The following RBFOX1 variants were observed in gnomAD, a reference collection of about 807,000 sequenced individuals.
The protein encoded by RBFOX1 is RNA binding protein fox-1 homolog 1.
A neutral mutation model predicts 57.7 loss-of-function variants in RBFOX1; 8 were observed. The ratio of observed to expected loss-of-function variants is 0.14; its 90% CI spans 0.08 to 0.25. The LOEUF is 0.25. Among genes scored for constraint, RBFOX1 ranks in the 10% least tolerant of loss-of-function variants. The pLI, the probability that RBFOX1 is intolerant of heterozygous loss-of-function variation, is 1.00. For synonymous variants in RBFOX1, 326 were observed against 222.4 expected, an observed-to-expected ratio of 1.47 and a Z score of -4.15; for missense variants, 611 against 548.5, an observed-to-expected ratio of 1.11 and a Z score of -1.14.
chr16:7,332,661 T>A, intron 4 of RBFOX1: 1 of 411,984 alleles, frequency 2.4e-6, no homozygotes, highest in Non-Finnish European at 3.3e-6. Flanking sequence ...GGTCTCTTGG[T>A]CTCTCTCTCT....
intron 1 of RBFOX1, among the ~76,000 whole-genome samples, chr16:5,409,592 G>C (rs901565698): frequency 6.6e-6 from 1 of 152,192 alleles, no homozygotes; most frequent in Non-Finnish European, 1.5e-5. Context: ...ATATGTGCCA[G>C]GCATGTTCTA....
At chr16:6,128,700 T>C (rs2152666456) in intron 1 of RBFOX1, among the ~76,000 whole-genome samples, 1 of 152,310 alleles carries the variant, frequency 6.6e-6, no homozygotes, top group East Asian at 1.9e-4. Context: ...AGCTGGTCCT[T>C]GGCTGACTAT....
chr16:6,507,940 A>G (rs1021075890), intron 2 of RBFOX1, among the ~76,000 whole-genome samples: 6 of 152,182 alleles, frequency 3.9e-5, no homozygotes, highest in Non-Finnish European at 4.4e-5. Flanking sequence ...ACTTTTCACA[A>G]TAGCAAAGAC....
At chr16:6,963,147 G>C (rs1290182316) in intron 3 of RBFOX1, among the ~76,000 whole-genome samples, 1 of 152,108 alleles carries the variant, frequency 6.6e-6, no homozygotes, top group African/African-American at 2.4e-5. Context: ...TGGGGTTCTG[G>C]CTGGTAGTTG....
intron 1 of RBFOX1, among the ~76,000 whole-genome samples, chr16:5,384,073 G>A (rs979586497): frequency 8.5e-5 from 13 of 152,314 alleles, no homozygotes; most frequent in Middle Eastern, 3.4e-3. Flanking sequence ...GCAGAAATGA[G>A]TCTATGTGTC....
intron 2 of RBFOX1, among the ~76,000 whole-genome samples, chr16:6,629,982 A>AG (rs1369338398): frequency 6.6e-6 from 1 of 150,760 alleles, no homozygotes; most frequent in African/African-American, 2.4e-5. Context: ...TTAAAAAAAA[A>AG]AAAGACCATT....
intron 3 of RBFOX1, among the ~76,000 whole-genome samples, chr16:5,710,647 C>T (rs4786765): frequency 0.54 from 82,431 of 152,030 alleles, 25,949 homozygotes; most frequent in Non-Finnish European, 0.72. Flanking sequence ...TAAAGAATTG[C>T]GTGCAGTGGA....
At chr16:6,212,690 G>C (rs1399411866) in intron 1 of RBFOX1, among the ~76,000 whole-genome samples, 1 of 150,498 alleles carries the variant, frequency 6.6e-6, no homozygotes, top group East Asian at 2.0e-4. Flanking sequence ...CTGGGTGACA[G>C]AGTGAGAGTC....
Position 6,403,292 on chromosome 16 carries a change from C to G in RBFOX1, c.-64+86235C>G, listed in dbSNP as rs138270614. Among the ~76,000 whole-genome samples the G allele has an allele frequency of 5.7e-4, 87 of 152,278 alleles. 1 individual carries two copies. In the East Asian group the frequency reaches 0.013, roughly 22 times the overall value. ...GTTTACTCCAGCTGTCTAAACCAGACCTGCCACTCAGGTGTTAAGAACCCA... is the reference window on the plus strand; with the variant it reads ...GTTTACTCCAGCTGTCTAAACCAGAGCTGCCACTCAGGTGTTAAGAACCCA... On this transcript the variant is annotated intron_variant, in intron 2 of 15. Coordinates refer to ENST00000550418, the MANE Select transcript of RBFOX1 (RefSeq NM_018723.4).
At chr16:5,319,153 A>AC (rs1399491769) in intron 1 of RBFOX1, among the ~76,000 whole-genome samples, 22 of 151,456 alleles carry the variant, frequency 1.5e-4, no homozygotes, top group Admixed American at 6.6e-4. Context: ...AAACAAACAA[A>AC]AAAACATAAA....
At chr16:5,758,815 A>G (rs775033702) in intron 3 of RBFOX1, among the ~76,000 whole-genome samples, 17 of 152,142 alleles carry the variant, frequency 1.1e-4, no homozygotes, top group Non-Finnish European at 1.8e-4. Context: ...CATCTAGGGA[A>G]TGTATGCTCC....
chr16:7,631,091 G>C (rs945056074), intron 11 of RBFOX1, among the ~76,000 whole-genome samples: 5 of 152,308 alleles, frequency 3.3e-5, no homozygotes, highest in African/African-American at 4.8e-5. Flanking sequence ...GTTGTCTCAC[G>C]ATGGAAAATA....
At chr16:7,055,131 A>G (rs1020527825) in intron 4 of RBFOX1, among the ~76,000 whole-genome samples, 2 of 152,212 alleles carry the variant, frequency 1.3e-5, no homozygotes, top group Admixed American at 6.5e-5. Flanking sequence ...ATGTTAAAAA[A>G]AGCTAAACAG....
At position 5,640,667 on chromosome 16, in the gene RBFOX1, C is replaced by G. The variant is rs181499411; in HGVS notation, c.318+41706C>G. ...CACATGCACAGCATGCATACACATA[C>G]ATGCATACACACAAGCACACCATGG... On this transcript the variant is annotated intron_variant, in intron 3 of 19. Coordinates refer to the RBFOX1 transcript ENST00000641259. 9.1e-3 allele frequency among the ~76,000 whole-genome samples: 1,378 copies of G among 151,584 alleles called. 30 individuals are homozygous for G. Among genetic ancestry groups the G allele is most frequent in the African/African-American group, 0.032 (1,323 of 41,250 alleles).
intron 1 of RBFOX1, among the ~76,000 whole-genome samples, chr16:5,340,136 T>G (rs1324870615): frequency 1.3e-5 from 2 of 152,226 alleles, no homozygotes; most frequent in African/African-American, 4.8e-5. Flanking sequence ...TAAGTGAAAT[T>G]CTTCAGCAAA....
intron 2 of RBFOX1, among the ~76,000 whole-genome samples, chr16:6,649,563 T>A (rs968477843): frequency 1.7e-4 from 26 of 152,330 alleles, no homozygotes; most frequent in African/African-American, 6.3e-4. Context: ...ACCATTCTTA[T>A]GCCTTTGCTT....
At chr16:6,444,320 G>A (rs779847116) in intron 2 of RBFOX1, among the ~76,000 whole-genome samples, 18 of 152,058 alleles carry the variant, frequency 1.2e-4, no homozygotes, top group Non-Finnish European at 2.1e-4. Flanking sequence ...AATGTTCCAA[G>A]CAGAAGGTTT....
chr16:7,491,236 G>A (rs2066875632), intron 4 of RBFOX1, among the ~76,000 whole-genome samples: 1 of 151,932 alleles, frequency 6.6e-6, no homozygotes, highest in African/African-American at 2.4e-5. Context: ...TTTTCTTGGG[G>A]TTTCCTCCGC....
At chr16:6,282,952 G>T (rs560631935) in intron 1 of RBFOX1, among the ~76,000 whole-genome samples, 1 of 152,180 alleles carries the variant, frequency 6.6e-6, no homozygotes, top group Non-Finnish European at 1.5e-5. Flanking sequence ...ACCCTCACTT[G>T]AAGAGATGAA....
Sources: allele counts gnomAD v4.1 joint callset (sites outside exome capture counted in the v4.1 genomes callset), GRCh38; gene constraint gnomAD v4.1.1; transcripts MANE v1.5; gene names NCBI Gene and HGNC (gene_info 2026-07-23, HGNC 2026-07-21).